Variants in LRRC8C observed in about 807,000 individuals in gnomAD.
LRRC8C encodes the protein leucine rich repeat containing 8 VRAC subunit C.
In LRRC8C, 20 loss-of-function variants were observed where a neutral mutation model predicts 55.3. That is an observed-to-expected ratio of 0.36 (90% CI 0.25 to 0.53). The LOEUF is 0.53. Ranked by LOEUF, LRRC8C falls within the 20% of genes least tolerant of loss-of-function variation. The pLI is 0.92. For missense variants in LRRC8C, 659 were observed against 951.4 expected (o/e 0.69, Z 4.04); for synonymous variants, 376 against 360.7 (o/e 1.04, Z -0.48).
At chr1:89,689,467 T>C (rs747389623) in intron 2 of LRRC8C, among the ~76,000 whole-genome samples, 2 of 152,078 alleles carry the variant, frequency 1.3e-5, no homozygotes, top group Non-Finnish European at 2.9e-5. Flanking sequence ...ACTACAGCTG[T>C]TGAGAATATA....
chr1:89,624,991 A>T, the LRRC8C span: 1 of 152,324 alleles, frequency 6.6e-6, no homozygotes, highest in East Asian at 1.9e-4. Flanking sequence ...CTCAAGGGGT[A>T]GAGTTCAATG....
Position 89,714,168 on chromosome 1 carries a change from T to C in LRRC8C, c.1598T>C (p.Val533Ala), listed in dbSNP as rs1658740692. 1.2e-6 allele frequency: 2 copies of C among 1,614,134 alleles called. No individual in the cohort carries two copies. The highest frequency in any genetic ancestry group is 1.7e-6 in the Non-Finnish European group (2 of 1,180,030). Residue 533 changes from valine to alanine, a missense_variant, in exon 3 of 3, where the codon GTC becomes GCC. Physicochemically the swap from Val to Ala is moderately conservative, Grantham distance 64. Coordinates refer to ENST00000370454, the MANE Select transcript of LRRC8C (RefSeq NM_032270.5). This position sits in a 1 kb window ranked among gnomAD's most constrained non-coding sequence, Gnocchi z 4.6. The part of the protein sequence containing the change: ...GSLSHDISRN[V>A]TLESLRDLKS... Reference sequence around the variant, plus strand: ...CTAAGTCATGATATTTCCAGAAATGTCACCCTTGAGTCTCTGCGGGATCTC... The same window carrying C: ...CTAAGTCATGATATTTCCAGAAATGCCACCCTTGAGTCTCTGCGGGATCTC...
the LRRC8C span, among the ~76,000 whole-genome samples, chr1:89,622,592 C>T: frequency 6.6e-6 from 1 of 152,126 alleles, no homozygotes; most frequent in Non-Finnish European, 1.5e-5. Context: ...CTCGGCCTCC[C>T]AAAGTGCTGG....
At position 89,713,160 on chromosome 1, in the gene LRRC8C, A is replaced by G; in HGVS notation, c.590A>G (p.Asn197Ser). Reference protein sequence around the residue: ...DNRKNNMNRSNTIQSGPEDSL... With the variant: ...DNRKNNMNRSSTIQSGPEDSL... ...AGGAAGAACAACATGAACAGGTCCAACACCATCCAATCTGGTCCAGAAGAC... is the reference window on the plus strand; with the variant it reads ...AGGAAGAACAACATGAACAGGTCCAGCACCATCCAATCTGGTCCAGAAGAC... The change falls in exon 3 of 3, where the codon AAC becomes AGC. Residue 197 changes from asparagine to serine, a missense_variant. Around this residue, in one of 5 missense-constraint regions of LRRC8C, gnomAD observed 200 missense variants for 360.5 expected, o/e 0.55. Transcript: ENST00000370454. This position sits in a 1 kb window ranked among gnomAD's most constrained non-coding sequence, Gnocchi z 5.2. The G allele has an allele frequency of 6.2e-7, 1 of 1,614,174 alleles. No individual in the cohort carries two copies. Among genetic ancestry groups the G allele is most frequent in the Non-Finnish European group, 8.5e-7 (1 of 1,180,026 alleles).
At chr1:89,654,669 T>C (rs1476117591) in intron 1 of LRRC8C, among the ~76,000 whole-genome samples, 1 of 152,194 alleles carries the variant, frequency 6.6e-6, no homozygotes, top group African/African-American at 2.4e-5. Context: ...CACTAAGAAT[T>C]TGAAGGCTTT....
chr1:89,654,874 C>CT (rs3068067), intron 1 of LRRC8C, among the ~76,000 whole-genome samples: 48,507 of 129,162 alleles, frequency 0.38, 9,927 homozygotes, highest in South Asian at 0.52. Context: ...TTTAGTAAGC[C>CT]TTTTTTTTTT....
chr1:89,682,005 A>G (rs1206841437), intron 1 of LRRC8C, among the ~76,000 whole-genome samples: 6 of 152,056 alleles, frequency 3.9e-5, no homozygotes, highest in Non-Finnish European at 1.5e-5. Context: ...GTGAAACCTC[A>G]TTTCTACTAA....
At chr1:89,653,303 A>G (rs1656840312) in intron 1 of LRRC8C, among the ~76,000 whole-genome samples, 1 of 152,264 alleles carries the variant, frequency 6.6e-6, no homozygotes, top group African/African-American at 2.4e-5. Flanking sequence ...CACAAGTAAC[A>G]TATGTTTTGA....
chr1:89,706,678 G>T (rs1658490344), intron 2 of LRRC8C, among the ~76,000 whole-genome samples: 1 of 152,064 alleles, frequency 6.6e-6, no homozygotes, highest in Admixed American at 6.5e-5. Context: ...TAAAACATTT[G>T]ATTTCTCTTC....
At chr1:89,684,294 T>C (rs767161201) in intron 1 of LRRC8C, among the ~76,000 whole-genome samples, 2 of 152,234 alleles carry the variant, frequency 1.3e-5, no homozygotes, top group Non-Finnish European at 2.9e-5. Flanking sequence ...CTCTACGATG[T>C]AAAGAAACCT....
At position 89,659,055 on chromosome 1, in the gene LRRC8C, TTTTTTTTGTGTGTGTG is replaced by T. The variant is rs1278791483; in HGVS notation, c.-5+25735_-5+25750del. 7.8e-4 allele frequency among the ~76,000 whole-genome samples: 87 copies of T among 110,966 alleles called. 1 individual carries two copies. Among genetic ancestry groups the T allele is most frequent in the East Asian group, 2.9e-3 (11 of 3,818 alleles). 72.8% of individuals were successfully genotyped at this position (110,966 alleles called of 152,430 possible). On this transcript the variant is annotated intron_variant, in intron 1 of 2. Coordinates refer to ENST00000370454, the MANE Select transcript of LRRC8C (RefSeq NM_032270.5). ...AGGTTGTGTCTTCTCCAGGTTTTTT[TTTTTTTTGTGTGTGTG>T]TGTGTGTGTGTGTGTGTGTGTGTGT... is the stretch of plus-strand genomic sequence containing the variant.
chr1:89,660,728 A>T (rs1254268399), intron 1 of LRRC8C, among the ~76,000 whole-genome samples: 2 of 152,214 alleles, frequency 1.3e-5, no homozygotes, highest in Non-Finnish European at 2.9e-5. Flanking sequence ...GAGCAAAAGA[A>T]CCTTTCTCAT....
At chr1:89,630,259 T>C (rs905620489), upstream of LRRC8C, among the ~76,000 whole-genome samples, 1 of 152,112 alleles carries the variant, frequency 6.6e-6, no homozygotes, top group African/African-American at 2.4e-5. Flanking sequence ...TACAACCCAC[T>C]AGAGGGGTTA....
At chr1:89,680,965 C>T (rs368892620) in intron 1 of LRRC8C, among the ~76,000 whole-genome samples, 18 of 152,256 alleles carry the variant, frequency 1.2e-4, no homozygotes, top group African/African-American at 4.1e-4. Context: ...ACCAGAATCT[C>T]TTGATTTAAT....
chr1:89,694,922 G>GACTTTTTT (rs1658129827), intron 2 of LRRC8C, among the ~76,000 whole-genome samples: 1 of 143,516 alleles, frequency 7.0e-6, no homozygotes. Flanking sequence ...AAAGTATAAA[G>GACTTTTTT]ACTTTTTTTT....
chr1:89,637,366 C>A (rs554363323), intron 1 of LRRC8C, among the ~76,000 whole-genome samples: 1 of 151,228 alleles, frequency 6.6e-6, no homozygotes, highest in Non-Finnish European at 1.5e-5. Context: ...AGACTGCTTT[C>A]GTTGAAAATA....
rs957644371 is a variant in LRRC8C at position 89,704,206 on chromosome 1, G to A, written c.139-8503G>A. ...TGGTGCTGACCTTTGCAATGAACCC[G>A]CCAACCTCAGCCTTTAACCTCTGAT... On this transcript the variant is annotated intron_variant, in intron 2 of 2. Coordinates refer to ENST00000370454, the MANE Select transcript of LRRC8C (RefSeq NM_032270.5). Among the ~76,000 whole-genome samples, 6 of 152,150 alleles carry A rather than the reference G, an allele frequency of 3.9e-5. No individual in the cohort carries two copies. In the East Asian group the frequency reaches 5.8e-4, roughly 15 times the overall value.
intron 1 of LRRC8C, among the ~76,000 whole-genome samples, chr1:89,665,706 T>G (rs547419030): frequency 6.6e-6 from 1 of 152,282 alleles, no homozygotes; most frequent in East Asian, 1.9e-4. Context: ...AAAAATTTTT[T>G]TTATAAATTT....
chr1:89,686,733 T>C, intron 2 of LRRC8C, 122 bp downstream of exon 2: 1 of 1,119,084 alleles, frequency 8.9e-7, no homozygotes, highest in Non-Finnish European at 1.3e-6. Flanking sequence ...TCTCTGTGGA[T>C]GTATTTGTAA....
Sources: allele counts gnomAD v4.1 joint callset (sites outside exome capture counted in the v4.1 genomes callset), GRCh38; gene constraint gnomAD v4.1.1; regional missense constraint gnomAD v4.1.1; non-coding constraint Gnocchi (gnomAD v3.1); transcripts MANE v1.5; gene names NCBI Gene and HGNC (gene_info 2026-07-23, HGNC 2026-07-21).